The following CDC42SE2 variants were observed in gnomAD, a reference collection of about 807,000 sequenced individuals.
CDC42SE2 encodes CDC42 small effector protein 2.
CDC42SE2 carries 3 observed loss-of-function variants against 11.5 expected under a neutral mutation model. The observed-to-expected ratio is 0.26, with a 90% CI of 0.12 to 0.67. CDC42SE2 has a LOEUF of 0.67. Among genes scored for constraint, CDC42SE2 ranks in the 30% least tolerant of loss-of-function variants. The pLI, the probability that CDC42SE2 is intolerant of heterozygous loss-of-function variation, is 0.80. For synonymous variants in CDC42SE2, 33 were observed against 34.8 expected, an observed-to-expected ratio of 0.95 and a Z score of 0.18; for missense variants, 82 against 106.8, an observed-to-expected ratio of 0.77 and a Z score of 1.02.
intron 1 of CDC42SE2, among the ~76,000 whole-genome samples, chr5:131,292,568 A>C (rs1211526099): frequency 6.7e-6 from 1 of 148,614 alleles, no homozygotes; most frequent in Non-Finnish European, 1.5e-5. Flanking sequence ...TCAAAAAAAA[A>C]AAAAAAACAA....
the CDC42SE2 span, among the ~76,000 whole-genome samples, chr5:131,240,116 G>A: frequency 9.9e-5 from 15 of 152,128 alleles, no homozygotes; most frequent in African/African-American, 3.4e-4. Context: ...CTGGCACCAG[G>A]GAATTTTCTG....
At chr5:131,372,331 A>G (rs1750032786) in intron 3 of CDC42SE2, among the ~76,000 whole-genome samples, 1 of 152,186 alleles carries the variant, frequency 6.6e-6, no homozygotes, top group South Asian at 2.1e-4. Context: ...AGCTATAGGA[A>G]GTGATCATAT....
intron 1 of CDC42SE2, among the ~76,000 whole-genome samples, chr5:131,252,526 G>A (rs1329614593): frequency 3.3e-5 from 5 of 152,118 alleles, no homozygotes; most frequent in Non-Finnish European, 7.4e-5. Flanking sequence ...GCGTGGTGGC[G>A]TGTGCCTATA....
intron 2 of CDC42SE2, chr5:131,354,799 C>G (rs1254132951): frequency 2.0e-5 from 3 of 152,054 alleles, no homozygotes; most frequent in African/African-American, 7.2e-5. Flanking sequence ...AATCTGAAAT[C>G]TGAAATGCTC....
At chr5:131,390,945 TACTTCCTG>T in intron 4 of CDC42SE2, 40 bp from the exon 5 acceptor site, 1 of 1,282,422 alleles carries the variant, frequency 7.8e-7, no homozygotes, top group Non-Finnish European at 1.1e-6. Flanking sequence ...GCACCGGACC[TACTTCCTG>T]ACTTCCATTT....
intron 1 of CDC42SE2, among the ~76,000 whole-genome samples, chr5:131,254,705 G>A (rs1449298489): frequency 6.8e-6 from 1 of 147,502 alleles, no homozygotes; most frequent in East Asian, 2.0e-4. Flanking sequence ...AAAAGCTTAT[G>A]TAGAACCAAA....
intron 2 of CDC42SE2, among the ~76,000 whole-genome samples, chr5:131,351,860 G>A (rs1162201358): frequency 1.3e-5 from 2 of 152,096 alleles, no homozygotes; most frequent in Non-Finnish European, 2.9e-5. Context: ...TTAACTCTTC[G>A]AAAGATGTTG....
At chr5:131,300,951 A>T (rs1011257114) in intron 1 of CDC42SE2, among the ~76,000 whole-genome samples, 5 of 152,348 alleles carry the variant, frequency 3.3e-5, no homozygotes, top group African/African-American at 9.6e-5. Flanking sequence ...CACTTTATAC[A>T]TCTTACTACA....
At chr5:131,389,377 T>TA (rs1750583637) in intron 4 of CDC42SE2, among the ~76,000 whole-genome samples, 2 of 152,220 alleles carry the variant, frequency 1.3e-5, no homozygotes, top group African/African-American at 4.8e-5. Flanking sequence ...CTTACACTCT[T>TA]ACCTGAAGGT....
upstream of CDC42SE2, among the ~76,000 whole-genome samples, chr5:131,244,413 A>C (rs369756317): frequency 6.6e-6 from 1 of 152,202 alleles, no homozygotes; most frequent in South Asian, 2.1e-4. Flanking sequence ...TTTTAAGCAC[A>C]CAAAAAACAT....
At chr5:131,309,685 G>A (rs1335270661) in intron 1 of CDC42SE2, among the ~76,000 whole-genome samples, 5 of 151,802 alleles carry the variant, frequency 3.3e-5, no homozygotes, top group Non-Finnish European at 7.4e-5. Context: ...GAGAGTGTAT[G>A]TGTCCAGGAA....
intron 2 of CDC42SE2, among the ~76,000 whole-genome samples, chr5:131,357,732 C>T (rs1347698418): frequency 6.6e-6 from 1 of 152,164 alleles, no homozygotes; most frequent in Admixed American, 6.5e-5. Flanking sequence ...CATTCTACCA[C>T]TCTACTTTTT....
rs543998161 is a variant in CDC42SE2 at position 131,289,642 on chromosome 5, C to T, written c.-455+25476C>T. ...GAGCTGAGATCGCACCACTGCACTC[C>T]AGCCTGGGTGACAGAGCGAGACTCT... On this transcript the variant is annotated intron_variant, in intron 1 of 4. Transcript: ENST00000505065. 1.3e-3 allele frequency among the ~76,000 whole-genome samples: 202 copies of T among 151,194 alleles called. 1 individual carries two copies. Among genetic ancestry groups the T allele is most frequent in the African/African-American group, 4.7e-3 (194 of 41,136 alleles).
At chr5:131,310,844 C>G (rs1017071847) in intron 1 of CDC42SE2, among the ~76,000 whole-genome samples, 37 of 151,862 alleles carry the variant, frequency 2.4e-4, no homozygotes, top group Non-Finnish European at 2.1e-4. Flanking sequence ...TGTCTCTGCA[C>G]GTGAGATGGG....
At chr5:131,387,283 T>C (rs1750515140) in intron 4 of CDC42SE2, among the ~76,000 whole-genome samples, 1 of 152,184 alleles carries the variant, frequency 6.6e-6, no homozygotes, top group African/African-American at 2.4e-5. Context: ...GCACGGTGGC[T>C]CACGCCTGTA....
intron 1 of CDC42SE2, among the ~76,000 whole-genome samples, chr5:131,305,579 G>T (rs1425251378): frequency 6.6e-6 from 1 of 151,948 alleles, no homozygotes; most frequent in East Asian, 1.9e-4. Flanking sequence ...ATGTCTGTTG[G>T]GTCCTTTGCC....
rs1366115600 is a variant in CDC42SE2 at position 131,296,849 on chromosome 5, A to G, written c.-454-19127A>G. Among the ~76,000 whole-genome samples, 8 of 152,260 alleles carry G rather than the reference A, an allele frequency of 5.3e-5. No individual in the cohort carries two copies. The East Asian group carries it at 1.5e-3, about 29-fold the overall frequency. ...AAATGTGTTTTGTAAAGTTGTATGGAAACATAATGTTTTGCAAGTTCTTTT... is the reference window on the plus strand; with the variant it reads ...AAATGTGTTTTGTAAAGTTGTATGGGAACATAATGTTTTGCAAGTTCTTTT... On this transcript the variant is annotated intron_variant, in intron 1 of 4. Transcript: ENST00000505065.
At position 131,391,286 on chromosome 5, in the gene CDC42SE2, A is replaced by T. The variant is rs1750644652; in HGVS notation, c.*195A>T. On this transcript the variant is annotated 3_prime_UTR_variant, in exon 5 of 5. Coordinates refer to ENST00000505065, the MANE Select transcript of CDC42SE2 (RefSeq NM_001375635.1). ...AAGTTTTAGGTTCTTTTCCTTATTA[A>T]GAACTTTAAATACTTTAAAACATCT... is the stretch of plus-strand genomic sequence containing the variant. 1 of 238,444 alleles carries T rather than the reference A, an allele frequency of 4.2e-6. No individual in the cohort carries two copies. The highest frequency in any genetic ancestry group is 2.3e-5 in the African/African-American group (1 of 43,798). 14.8% of individuals were successfully genotyped at this position (238,444 alleles called of 1,614,324 possible).
chr5:131,216,278 C>G, the CDC42SE2 span, among the ~76,000 whole-genome samples: 1 of 152,126 alleles, frequency 6.6e-6, no homozygotes. Context: ...GAGTGGACCA[C>G]TTGAGCTCAG....
Sources: gnomAD v4.1 joint callset for allele counts (sites outside exome capture counted in the v4.1 genomes callset) on GRCh38, gnomAD v4.1.1 for gene constraint, MANE v1.5 for transcripts, NCBI Gene and HGNC (gene_info 2026-07-23, HGNC 2026-07-21) for gene names.